Variants in PTPRN2 observed in about 807,000 individuals in gnomAD.
PTPRN2 encodes receptor-type tyrosine-protein phosphatase N2.
Under a neutral mutation model 118.8 loss-of-function variants are expected in PTPRN2, and 74 were observed. The observed-to-expected ratio is 0.62, with a 90% CI of 0.52 to 0.76. The LOEUF is 0.76. PTPRN2 is among the 30% of genes least tolerant of loss of function. PTPRN2 has a pLI of 0.00. For synonymous variants in PTPRN2, 641 were observed against 608.0 expected, an observed-to-expected ratio of 1.05 and a Z score of -0.80; for missense variants, 1,481 against 1,394.4, an observed-to-expected ratio of 1.06 and a Z score of -0.99.
At chr7:158,333,789 C>G (rs544532531) in intron 2 of PTPRN2, among the ~76,000 whole-genome samples, 6 of 147,018 alleles carry the variant, frequency 4.1e-5, no homozygotes, top group African/African-American at 1.0e-4. Flanking sequence ...CACACACACT[C>G]TCACCATAAG....
At chr7:158,237,857 C>T (rs1269194473) in intron 3 of PTPRN2, among the ~76,000 whole-genome samples, 1 of 152,190 alleles carries the variant, frequency 6.6e-6, no homozygotes, top group Non-Finnish European at 1.5e-5. Flanking sequence ...AGACACAGCG[C>T]TTACATGGGA....
intron 18 of PTPRN2, among the ~76,000 whole-genome samples, chr7:157,577,749 C>A (rs894010374): frequency 6.6e-6 from 1 of 152,242 alleles, no homozygotes. Flanking sequence ...CTCCCAGGGT[C>A]TGGTTCATGA....
chr7:158,229,190 G>A (rs58825421), intron 3 of PTPRN2, among the ~76,000 whole-genome samples: 5,637 of 152,060 alleles, frequency 0.037, 127 homozygotes, highest in Middle Eastern at 0.068. Flanking sequence ...ATCTAGTGCC[G>A]AAAAGGAGAC....
intron 11 of PTPRN2, among the ~76,000 whole-genome samples, chr7:157,902,712 C>T (rs1346577965): frequency 1.3e-5 from 2 of 152,154 alleles, no homozygotes; most frequent in African/African-American, 2.4e-5. Context: ...TTTTAGATGC[C>T]GATGCGAGAG....
At chr7:158,201,036 T>C (rs927922471) in intron 4 of PTPRN2, among the ~76,000 whole-genome samples, 1 of 148,694 alleles carries the variant, frequency 6.7e-6, no homozygotes, top group Non-Finnish European at 1.5e-5. Flanking sequence ...AAAATCATGT[T>C]ACAAGGGTGA....
At chr7:158,135,958 G>C (rs1451245558) in intron 8 of PTPRN2, among the ~76,000 whole-genome samples, 8 of 152,178 alleles carry the variant, frequency 5.3e-5, no homozygotes, top group Non-Finnish European at 1.0e-4. Flanking sequence ...ACGACCAAAG[G>C]TTCTTAAAGG....
In PTPRN2 at chr7:157,681,194, G is replaced by A. The variant is rs189415389; in HGVS notation, c.2001+1531C>T. Among the ~76,000 whole-genome samples the A allele has an allele frequency of 9.6e-3, 1,457 of 152,074 alleles. 15 individuals are homozygous for A. Among genetic ancestry groups the A allele is most frequent in the Admixed American group, 0.019 (291 of 15,280 alleles). On this transcript the variant is annotated intron_variant, in intron 13 of 22. Coordinates refer to ENST00000389418, the MANE Select transcript of PTPRN2 (RefSeq NM_002847.5). The stretch of plus-strand genomic sequence containing the variant: ...TGAATTTCAAAGTATATCAAAGGGC[G>A]CCACGCTTTCTAAAAATCTCTGCCT...
intron 12 of PTPRN2, among the ~76,000 whole-genome samples, chr7:157,776,388 TCCTCCTCCATCTC>T (rs1282015426): frequency 8.3e-4 from 69 of 83,170 alleles, no homozygotes; most frequent in Non-Finnish European, 1.3e-3. Context: ...CTCACTCTCC[TCCTCCTCCATCTC>T]CTCCTCCTCC....
chr7:158,023,034 C>T (rs1039836551), intron 11 of PTPRN2, among the ~76,000 whole-genome samples: 1 of 152,176 alleles, frequency 6.6e-6, no homozygotes, highest in Admixed American at 6.5e-5. Flanking sequence ...GTGCATTTAT[C>T]CCTGATAAAC....
chr7:157,797,491 G>A (rs571187597), intron 12 of PTPRN2, among the ~76,000 whole-genome samples: 26 of 138,344 alleles, frequency 1.9e-4, no homozygotes, highest in African/African-American at 5.6e-4. Context: ...GAGGCATCCC[G>A]TGAGGGTCAC....
chr7:157,889,833 T>C (rs1223709030), intron 12 of PTPRN2, among the ~76,000 whole-genome samples: 2 of 152,236 alleles, frequency 1.3e-5, no homozygotes, highest in Non-Finnish European at 2.9e-5. Context: ...TTATAAGGAA[T>C]AAAGCTCTCC....
intron 1 of PTPRN2, among the ~76,000 whole-genome samples, chr7:158,491,285 C>T (rs1017678955): frequency 5.9e-5 from 9 of 152,198 alleles, no homozygotes; most frequent in East Asian, 1.9e-4. Flanking sequence ...TGGCTGGGAT[C>T]TGCTTCCTCC....
chr7:158,215,701 A>C (rs1411923044), intron 3 of PTPRN2, among the ~76,000 whole-genome samples: 1 of 152,192 alleles, frequency 6.6e-6, no homozygotes, highest in Non-Finnish European at 1.5e-5. Flanking sequence ...GGCCACAAGG[A>C]AACAGCACAT....
In PTPRN2 at chr7:158,171,193, CAT is replaced by C. The variant is rs1185342868; in HGVS notation, c.550-3904_550-3903del. 1.1e-3 allele frequency among the ~76,000 whole-genome samples: 127 copies of C among 112,720 alleles called. 2 individuals are homozygous for C. The highest frequency in any genetic ancestry group is 4.7e-3 in the Middle Eastern group (1 of 212). The allele number at this position is 112,720 out of a possible 152,430, so 73.9% of individuals were successfully genotyped here. Reference sequence around the variant, plus strand: ...ATATATACACATATATACACACATACATATATATACACTATATATACACACAT... The same window carrying C: ...ATATATACACATATATACACACATACATATATACACTATATATACACACAT... On this transcript the variant is annotated intron_variant, in intron 5 of 22. Coordinates refer to ENST00000389418, the MANE Select transcript of PTPRN2 (RefSeq NM_002847.5).
intron 3 of PTPRN2, among the ~76,000 whole-genome samples, chr7:158,314,873 G>A (rs1802169425): frequency 6.7e-6 from 1 of 149,468 alleles, no homozygotes; most frequent in African/African-American, 2.4e-5. Context: ...GTAGGACAGA[G>A]GTGAACCCGG....
chr7:158,020,542 G>A (rs990418721), intron 11 of PTPRN2, among the ~76,000 whole-genome samples: 2 of 152,154 alleles, frequency 1.3e-5, no homozygotes, highest in Non-Finnish European at 2.9e-5. Context: ...TAGTGGGTGC[G>A]GAGAGGAGAG....
chr7:158,524,358 G>C (rs1173193061), intron 1 of PTPRN2, among the ~76,000 whole-genome samples: 1 of 92,074 alleles, frequency 1.1e-5, no homozygotes, highest in Non-Finnish European at 2.3e-5. Context: ...CCCTGGAGTG[G>C]AGTCATCTGC....
intron 12 of PTPRN2, among the ~76,000 whole-genome samples, chr7:157,709,878 C>T (rs1798515121): frequency 6.6e-6 from 1 of 152,224 alleles, no homozygotes; most frequent in South Asian, 2.1e-4. Flanking sequence ...CATCAGTGAG[C>T]AGACAAGGCT....
At chr7:158,312,955 T>G (rs1801983356) in intron 3 of PTPRN2, among the ~76,000 whole-genome samples, 1 of 151,210 alleles carries the variant, frequency 6.6e-6, no homozygotes, top group Non-Finnish European at 1.5e-5. Context: ...CAGGGGTGTG[T>G]GCGTGTGTGC....
Sources: allele counts gnomAD v4.1 joint callset (sites outside exome capture counted in the v4.1 genomes callset), GRCh38; gene constraint gnomAD v4.1.1; transcripts MANE v1.5; gene names NCBI Gene and HGNC (gene_info 2026-07-23, HGNC 2026-07-21).